The following MLLT3 variants were observed in gnomAD, a reference collection of about 807,000 sequenced individuals.
MLLT3 encodes MLLT3 super elongation complex subunit, also known as protein AF-9.
A neutral mutation model predicts 53.2 loss-of-function variants in MLLT3; 4 were observed. That is an observed-to-expected ratio of 0.08 (90% CI 0.04 to 0.17). The LOEUF is 0.17. Ranked by LOEUF, MLLT3 falls within the 10% of genes least tolerant of loss-of-function variation. The pLI, the probability that MLLT3 is intolerant of heterozygous loss-of-function variation, is 1.00. For synonymous variants in MLLT3, 283 were observed against 230.6 expected, an observed-to-expected ratio of 1.23 and a Z score of -2.06; for missense variants, 569 against 684.0, an observed-to-expected ratio of 0.83 and a Z score of 1.87.
chr9:20,558,700 G>A (rs1222384447), intron 2 of MLLT3, among the ~76,000 whole-genome samples: 1 of 152,192 alleles, frequency 6.6e-6, no homozygotes, highest in Admixed American at 6.5e-5. Flanking sequence ...AACCCCCAGG[G>A]AATTCTTAAG....
intron 5 of MLLT3, among the ~76,000 whole-genome samples, chr9:20,378,930 A>T (rs559041600): frequency 1.3e-5 from 2 of 152,166 alleles, no homozygotes; most frequent in South Asian, 4.1e-4. Context: ...GATTAGTAAT[A>T]TTAGATTTCT....
chr9:20,528,792 C>G (rs1233279352), intron 2 of MLLT3, among the ~76,000 whole-genome samples: 1 of 152,140 alleles, frequency 6.6e-6, no homozygotes, highest in Admixed American at 6.5e-5. Context: ...TGCAAGGATC[C>G]TTTTTCCAAT....
intron 9 of MLLT3, among the ~76,000 whole-genome samples, chr9:20,353,955 AT>A (rs137862787): frequency 1.3e-5 from 2 of 151,390 alleles, no homozygotes; most frequent in Non-Finnish European, 1.5e-5. Context: ...GGCTACTTTC[AT>A]TTTTTTTTCA....
intron 5 of MLLT3, among the ~76,000 whole-genome samples, chr9:20,394,410 T>A (rs1822267321): frequency 6.6e-6 from 1 of 152,132 alleles, no homozygotes; most frequent in Non-Finnish European, 1.5e-5. Flanking sequence ...CTGAGCCAAT[T>A]AGTGACCTGG....
chr9:20,579,980 G>A (rs1188552658), intron 2 of MLLT3, among the ~76,000 whole-genome samples: 2 of 152,152 alleles, frequency 1.3e-5, no homozygotes, highest in Non-Finnish European at 2.9e-5. Context: ...CTCGTGTGAG[G>A]TAAATAGGGA....
At chr9:20,491,147 T>G (rs1400414172) in intron 2 of MLLT3, among the ~76,000 whole-genome samples, 1 of 152,064 alleles carries the variant, frequency 6.6e-6, no homozygotes, top group Non-Finnish European at 1.5e-5. Flanking sequence ...AAAAACAATA[T>G]TACTAAAAAT....
chr9:20,453,904 A>C (rs1218079537), intron 3 of MLLT3, among the ~76,000 whole-genome samples: 1 of 152,202 alleles, frequency 6.6e-6, no homozygotes, highest in East Asian at 1.9e-4. Context: ...TATATTACAA[A>C]CACTGAAATA....
rs186506778 is a variant in MLLT3 at position 20,463,070 on chromosome 9, T to C, written c.194-6284A>G. Among the ~76,000 whole-genome samples, 8 of 152,150 alleles carry C rather than the reference T, an allele frequency of 5.3e-5. 1 individual carries two copies. The highest frequency in any genetic ancestry group is 1.0e-4 in the Non-Finnish European group (7 of 67,992). On this transcript the variant is annotated intron_variant, in intron 2 of 10. Coordinates refer to ENST00000380338, the MANE Select transcript of MLLT3 (RefSeq NM_004529.4). Reference sequence around the variant, plus strand: ...CTCAGAAATTCATGTCAAAAGTCCATGAGGGGAAAAATGGATTGCACTCGT... The same window carrying C: ...CTCAGAAATTCATGTCAAAAGTCCACGAGGGGAAAAATGGATTGCACTCGT...
chr9:20,615,874 GAAAAA>G (rs10579863), intron 2 of MLLT3, among the ~76,000 whole-genome samples: 57,589 of 132,644 alleles, frequency 0.43, 12,827 homozygotes, highest in Middle Eastern at 0.53. Flanking sequence ...AAAGAGATTT[GAAAAA>G]AAAAAAAAAA....
At chr9:20,390,036 A>C (rs990058598) in intron 5 of MLLT3, among the ~76,000 whole-genome samples, 10 of 152,230 alleles carry the variant, frequency 6.6e-5, no homozygotes, top group African/African-American at 1.9e-4. Context: ...TTATTATGGA[A>C]GTTCCTAAAA....
At chr9:20,428,323 T>A (rs1188450054) in intron 4 of MLLT3, among the ~76,000 whole-genome samples, 1 of 151,886 alleles carries the variant, frequency 6.6e-6, no homozygotes, top group African/African-American at 2.4e-5. Flanking sequence ...TAAAAGAACA[T>A]CCACAGGATT....
intron 4 of MLLT3, among the ~76,000 whole-genome samples, chr9:20,423,677 A>G (rs149682842): frequency 0.018 from 2,751 of 151,596 alleles, 79 homozygotes; most frequent in African/African-American, 0.062. Flanking sequence ...AGCCAGGCGT[A>G]GTGGCATGTG....
Position 20,620,293 on chromosome 9 carries a change from A to ACGCG in MLLT3, c.193+357_193+360dup, listed in dbSNP as rs892008680. On this transcript the variant is annotated intron_variant, in intron 2 of 10. Transcript: ENST00000380338. This position sits in a 1 kb window ranked among gnomAD's most constrained non-coding sequence, Gnocchi z 6.1. ...CACACACACACACACACACACACACACGCGCAAAGTGTTTATTCCCTCCAG... is the reference window on the plus strand; with the variant it reads ...CACACACACACACACACACACACACACGCGCGCGCAAAGTGTTTATTCCCTCCAG... Among the ~76,000 whole-genome samples, 199 of 146,076 alleles carry ACGCG rather than the reference A, an allele frequency of 1.4e-3. 1 individual carries two copies. Among genetic ancestry groups the ACGCG allele is most frequent in the African/African-American group, 4.3e-3 (170 of 39,934 alleles).
intron 2 of MLLT3, among the ~76,000 whole-genome samples, chr9:20,535,815 C>G (rs1425448019): frequency 6.6e-6 from 1 of 152,100 alleles, no homozygotes; most frequent in African/African-American, 2.4e-5. Flanking sequence ...TGTTTGATAC[C>G]GGCAAGTGTT....
intron 2 of MLLT3, among the ~76,000 whole-genome samples, chr9:20,558,636 C>T (rs1819123329): frequency 6.6e-6 from 1 of 152,190 alleles, no homozygotes; most frequent in African/African-American, 2.4e-5. Context: ...TCCTGGACCC[C>T]TAGAGAGGCT....
chr9:20,573,799 T>C (rs1029689274), intron 2 of MLLT3, among the ~76,000 whole-genome samples: 6 of 152,206 alleles, frequency 3.9e-5, no homozygotes, highest in Admixed American at 3.9e-4. Flanking sequence ...CTTTGCACAT[T>C]ACATAAACCA....
intron 2 of MLLT3, among the ~76,000 whole-genome samples, chr9:20,486,256 T>C (rs1824808972): frequency 6.6e-6 from 1 of 152,138 alleles, no homozygotes. Flanking sequence ...CAGCAATAAC[T>C]GCTTTCTGGA....
At chr9:20,463,219 G>A (rs1025789336) in intron 2 of MLLT3, among the ~76,000 whole-genome samples, 1 of 151,406 alleles carries the variant, frequency 6.6e-6, no homozygotes, top group African/African-American at 2.4e-5. Flanking sequence ...TACTTCACTT[G>A]TTAGTAACTT....
intron 2 of MLLT3, among the ~76,000 whole-genome samples, chr9:20,515,944 T>C (rs1440423122): frequency 7.2e-5 from 11 of 152,226 alleles, no homozygotes; most frequent in Non-Finnish European, 1.5e-4. Flanking sequence ...TATTTGCTTT[T>C]ATACAAGAAA....
Sources: gnomAD v4.1 joint callset for allele counts (sites outside exome capture counted in the v4.1 genomes callset) on GRCh38, gnomAD v4.1.1 for gene constraint, Gnocchi (gnomAD v3.1) non-coding constraint, MANE v1.5 for transcripts, NCBI Gene and HGNC (gene_info 2026-07-23, HGNC 2026-07-21) for gene names.